PHF24: variants seen among roughly 807,000 people sequenced by gnomAD.
PHF24 encodes the protein PHD finger protein 24.
PHF24 carries 25 observed loss-of-function variants against 42.6 expected under a neutral mutation model. The observed-to-expected ratio is 0.59, with a 90% CI of 0.43 to 0.82. The LOEUF (loss-of-function observed/expected upper bound fraction) is 0.82, where lower values mean the gene tolerates loss of function less well. Ranked by LOEUF, PHF24 falls within the 40% of genes least tolerant of loss-of-function variation. The pLI is 0.00. For missense variants in PHF24, 470 were observed against 538.1 expected (o/e 0.87, Z 1.25); for synonymous variants, 185 against 204.8 (o/e 0.90, Z 0.83).
the PHF24 span, among the ~76,000 whole-genome samples, chr9:34,839,998 G>A: frequency 1.3e-5 from 2 of 152,126 alleles, no homozygotes; most frequent in Non-Finnish European, 2.9e-5. Context: ...AGAACCCCAA[G>A]GAATGTGCCA....
At chr9:34,685,130 C>A in the PHF24 span, among the ~76,000 whole-genome samples, 1 of 152,204 alleles carries the variant, frequency 6.6e-6, no homozygotes, top group African/African-American at 2.4e-5. Context: ...TGCCACCTGC[C>A]GATCAGACGC....
chr9:34,900,628 G>T, the PHF24 span, among the ~76,000 whole-genome samples: 1 of 152,124 alleles, frequency 6.6e-6, no homozygotes, highest in African/African-American at 2.4e-5. Context: ...AAATTTTAAT[G>T]TCTATAAATG....
the PHF24 span, among the ~76,000 whole-genome samples, chr9:34,856,149 GA>G: frequency 6.6e-6 from 1 of 152,106 alleles, no homozygotes; most frequent in East Asian, 1.9e-4. Flanking sequence ...CTCTAAGCTG[GA>G]TATTCTGGTT....
chr9:34,945,274 T>C, the PHF24 span, among the ~76,000 whole-genome samples: 1 of 152,214 alleles, frequency 6.6e-6, no homozygotes, highest in African/African-American at 2.4e-5. Context: ...ACCTATTTTC[T>C]TGGACCATGT....
the PHF24 span, among the ~76,000 whole-genome samples, chr9:34,928,173 G>A: frequency 3.7e-5 from 5 of 134,808 alleles, no homozygotes; most frequent in East Asian, 2.2e-4. Flanking sequence ...CTGAAATCAC[G>A]CCATTGCACT....
At chr9:34,824,547 G>T in the PHF24 span, among the ~76,000 whole-genome samples, 1 of 145,856 alleles carries the variant, frequency 6.9e-6, no homozygotes, top group South Asian at 2.2e-4. Flanking sequence ...TTTGGAACTA[G>T]GTTTGTGGTT....
At chr9:34,785,164 T>C in the PHF24 span, among the ~76,000 whole-genome samples, 3 of 152,190 alleles carry the variant, frequency 2.0e-5, no homozygotes, top group African/African-American at 7.2e-5. Context: ...TGGCGGTGTT[T>C]GTTGTTTGCT....
chr9:34,909,221 C>G, the PHF24 span, among the ~76,000 whole-genome samples: 15 of 152,260 alleles, frequency 9.9e-5, no homozygotes, highest in African/African-American at 3.1e-4. Flanking sequence ...GCTCAAGCTT[C>G]CTAAACAGCT....
At chr9:34,978,188 C>G (rs1207953140) in exon 8 of PHF24, 1 of 1,144,340 alleles carries the variant, frequency 8.7e-7, no homozygotes, top group East Asian at 2.4e-5. Context: ...CCACCAACCT[C>G]TGGCACAGAG....
the PHF24 span, among the ~76,000 whole-genome samples, chr9:34,687,770 C>G: frequency 6.6e-6 from 1 of 152,212 alleles, no homozygotes; most frequent in South Asian, 2.1e-4. Flanking sequence ...TGCTCCCCTC[C>G]CATGTGTGTT....
chr9:34,931,785 C>T, the PHF24 span, among the ~76,000 whole-genome samples: 5 of 152,114 alleles, frequency 3.3e-5, no homozygotes, highest in African/African-American at 1.2e-4. Flanking sequence ...ATAAACAACC[C>T]AGCCTCAGGT....
chr9:34,864,870 C>T, the PHF24 span, among the ~76,000 whole-genome samples: 2 of 152,000 alleles, frequency 1.3e-5, no homozygotes, highest in Non-Finnish European at 2.9e-5. Context: ...ATAGAAACAA[C>T]AAAAAGTTAA....
chr9:34,948,002 G>T, the PHF24 span, among the ~76,000 whole-genome samples: 25 of 151,752 alleles, frequency 1.6e-4, no homozygotes, highest in African/African-American at 4.6e-4. Context: ...CCAGCTACTC[G>T]GGAGGCTGAG....
chr9:34,844,918 G>A, the PHF24 span, among the ~76,000 whole-genome samples: 1 of 151,966 alleles, frequency 6.6e-6, no homozygotes, highest in Non-Finnish European at 1.5e-5. Context: ...CTGAAAGTGG[G>A]GTATGAAGTC....
chr9:34,855,600 G>A, the PHF24 span, among the ~76,000 whole-genome samples: 1 of 152,108 alleles, frequency 6.6e-6, no homozygotes, highest in African/African-American at 2.4e-5. Flanking sequence ...TTGAATATTG[G>A]CCCCCAATCT....
chr9:34,709,866 G>T, the PHF24 span: 1 of 1,614,226 alleles, frequency 6.2e-7, no homozygotes, highest in Non-Finnish European at 8.5e-7. Flanking sequence ...GGCTGTACTT[G>T]AGGCAACAGT....
the PHF24 span, among the ~76,000 whole-genome samples, chr9:34,741,694 G>A: frequency 2.6e-5 from 4 of 152,246 alleles, no homozygotes; most frequent in Non-Finnish European, 5.9e-5. Context: ...GTCCAGCGAT[G>A]TTCTGCATGG....
chr9:34,727,641 A>G, the PHF24 span, among the ~76,000 whole-genome samples: 1 of 152,340 alleles, frequency 6.6e-6, no homozygotes, highest in South Asian at 2.1e-4. Flanking sequence ...TTGAAAGGGT[A>G]TAGCTTTATT....
At chr9:34,707,366 T>C in the PHF24 span, among the ~76,000 whole-genome samples, 1 of 152,226 alleles carries the variant, frequency 6.6e-6, no homozygotes, top group Non-Finnish European at 1.5e-5. Context: ...TTGAGGTTTC[T>C]GTGACCTTTG....
Sources: allele counts gnomAD v4.1 joint callset (sites outside exome capture counted in the v4.1 genomes callset), GRCh38; gene constraint gnomAD v4.1.1; transcripts MANE v1.5; gene names NCBI Gene and HGNC (gene_info 2026-07-23, HGNC 2026-07-21).